Variants in ADAM22 observed in about 807,000 individuals in gnomAD.
ADAM22 encodes the protein ADAM metallopeptidase domain 22, also known as disintegrin and metalloproteinase domain-containing protein 22.
Under a neutral mutation model 144.6 loss-of-function variants are expected in ADAM22, and 65 were observed. That is an observed-to-expected ratio of 0.45 (90% CI 0.37 to 0.55). The LOEUF (loss-of-function observed/expected upper bound fraction) is 0.55. ADAM22 is among the 20% of genes least tolerant of loss of function. The pLI is 0.00. For synonymous variants in ADAM22, 391 were observed against 412.6 expected (o/e 0.95, Z 0.63); for missense variants, 974 against 1,184.9 (o/e 0.82, Z 2.61).
intron 3 of ADAM22, among the ~76,000 whole-genome samples, chr7:88,008,024 A>G (rs1794394922): frequency 6.6e-6 from 1 of 152,218 alleles, no homozygotes; most frequent in African/African-American, 2.4e-5. Flanking sequence ...AATATCCAGA[A>G]TCTACAACGA....
At chr7:88,034,831 G>T (rs973163441) in intron 3 of ADAM22, among the ~76,000 whole-genome samples, 2 of 152,152 alleles carry the variant, frequency 1.3e-5, no homozygotes, top group African/African-American at 4.8e-5. Flanking sequence ...CACAATTGCT[G>T]TGCTCTCCCT....
At chr7:88,144,007 T>C (rs1835576436) in intron 15 of ADAM22, among the ~76,000 whole-genome samples, 4 of 152,190 alleles carry the variant, frequency 2.6e-5, no homozygotes, top group Admixed American at 2.6e-4. Context: ...AGAGAATAAG[T>C]GTGGTTATCA....
At chr7:88,007,097 A>G (rs1196801499) in intron 3 of ADAM22, among the ~76,000 whole-genome samples, 2 of 152,228 alleles carry the variant, frequency 1.3e-5, no homozygotes, top group African/African-American at 2.4e-5. Context: ...AAGCATTCTT[A>G]TACACCAATA....
At chr7:88,045,226 C>T (rs969053099) in intron 3 of ADAM22, among the ~76,000 whole-genome samples, 4 of 152,162 alleles carry the variant, frequency 2.6e-5, no homozygotes, top group African/African-American at 9.7e-5. Context: ...CCATGTTGGC[C>T]AGGCTGGTCT....
At chr7:87,950,990 GT>G (rs1344687627) in intron 2 of ADAM22, among the ~76,000 whole-genome samples, 1 of 152,028 alleles carries the variant, frequency 6.6e-6, no homozygotes, top group Non-Finnish European at 1.5e-5. Flanking sequence ...GGGGTTGTTT[GT>G]TTTTTTCTTG....
chr7:87,982,448 A>G (rs1853783249), intron 3 of ADAM22, among the ~76,000 whole-genome samples: 1 of 151,634 alleles, frequency 6.6e-6, no homozygotes, highest in Admixed American at 6.6e-5. Flanking sequence ...CATGCTTGAG[A>G]GACAGAAATG....
intron 14 of ADAM22, among the ~76,000 whole-genome samples, chr7:88,140,624 C>T (rs1240940238): frequency 6.6e-6 from 1 of 152,156 alleles, no homozygotes; most frequent in Non-Finnish European, 1.5e-5. Flanking sequence ...GGGAGGATCG[C>T]TTGAGCCCAG....
intron 23 of ADAM22, among the ~76,000 whole-genome samples, chr7:88,165,070 G>A (rs1842637155): frequency 6.6e-6 from 1 of 152,066 alleles, no homozygotes; most frequent in Non-Finnish European, 1.5e-5. Flanking sequence ...AACCCCTGTA[G>A]TAAAAACCTG....
chr7:88,178,993 G>A lies in ADAM22; in HGVS notation c.2359G>A (p.Asp787Asn), dbSNP rs1173024762. ...TGGAGATGGTGACTCTTTTTATAGCGACATTCCTCCCGGAGTCAGCACAAA... is the reference window on the plus strand; with the variant it reads ...TGGAGATGGTGACTCTTTTTATAGCAACATTCCTCCCGGAGTCAGCACAAA... ...KPGDGDSFYS[D>N]IPPGVSTNSA... The change falls in exon 27 of 32, where the codon GAC (aspartate) becomes AAC (asparagine). Residue 787 changes from aspartate to asparagine, a missense_variant. Transcript: ENST00000413139. 1 of 1,613,146 alleles carries A rather than the reference G, an allele frequency of 6.2e-7. No homozygotes were observed. The highest frequency in any genetic ancestry group is 1.1e-5 in the South Asian group (1 of 91,004).
At chr7:88,162,645 T>G (rs1006288399) in intron 22 of ADAM22, among the ~76,000 whole-genome samples, 1 of 152,124 alleles carries the variant, frequency 6.6e-6, no homozygotes, top group Admixed American at 6.6e-5. Context: ...AATAGTTTAG[T>G]CATTCTCAAA....
intron 7 of ADAM22, among the ~76,000 whole-genome samples, chr7:88,117,473 G>A (rs979905894): frequency 5.9e-5 from 9 of 152,048 alleles, no homozygotes; most frequent in South Asian, 2.1e-4. Context: ...TTTGAGAGTC[G>A]CTTCCAAGTC....
chr7:88,055,983 T>C (rs1350387209), intron 3 of ADAM22, among the ~76,000 whole-genome samples: 3 of 152,222 alleles, frequency 2.0e-5, no homozygotes, highest in African/African-American at 7.2e-5. Context: ...TGTGATACCA[T>C]TATTCATGTC....
intron 2 of ADAM22, among the ~76,000 whole-genome samples, chr7:87,935,896 A>T (rs1304559698): frequency 6.6e-6 from 1 of 152,252 alleles, no homozygotes; most frequent in Non-Finnish European, 1.5e-5. Flanking sequence ...CCTGAAAATT[A>T]CTGTGAATTT....
At chr7:87,975,045 CT>C (rs1327588628) in intron 2 of ADAM22, among the ~76,000 whole-genome samples, 4 of 152,118 alleles carry the variant, frequency 2.6e-5, no homozygotes, top group Non-Finnish European at 5.9e-5. Flanking sequence ...TGCACAGTCC[CT>C]TTTTCCATGT....
chr7:88,097,620 T>TAA (rs55678558), intron 4 of ADAM22, among the ~76,000 whole-genome samples: 19 of 141,354 alleles, frequency 1.3e-4, no homozygotes, highest in South Asian at 4.4e-4. Context: ...TGTGTTTCCT[T>TAA]AAAAAAAAAA....
At chr7:88,178,902 T>C in intron 26 of ADAM22, 33 bp from the exon 27 acceptor site, 1 of 1,458,336 alleles carries the variant, frequency 6.9e-7, no homozygotes, top group Non-Finnish European at 9.4e-7. Flanking sequence ...GTGTGTCTTG[T>C]TTTCTGACTC....
intron 4 of ADAM22, among the ~76,000 whole-genome samples, chr7:88,090,335 A>T (rs941045484): frequency 6.6e-6 from 1 of 152,160 alleles, no homozygotes; most frequent in Non-Finnish European, 1.5e-5. Context: ...TCTCTCAGAC[A>T]GGAGAGGAAA....
At chr7:88,031,372 G>T (rs915605525) in intron 3 of ADAM22, among the ~76,000 whole-genome samples, 1 of 152,188 alleles carries the variant, frequency 6.6e-6, no homozygotes, top group African/African-American at 2.4e-5. Flanking sequence ...TTGTTAAATT[G>T]TTGTGACCAA....
At chr7:88,077,781 C>A (rs1025989696) in intron 4 of ADAM22, among the ~76,000 whole-genome samples, 1 of 152,192 alleles carries the variant, frequency 6.6e-6, no homozygotes, top group African/African-American at 2.4e-5. Flanking sequence ...TGCAAGGTGG[C>A]AGCTAGGCTG....
Sources: allele counts gnomAD v4.1 joint callset (sites outside exome capture counted in the v4.1 genomes callset), GRCh38; gene constraint gnomAD v4.1.1; transcripts MANE v1.5; gene names NCBI Gene and HGNC (gene_info 2026-07-23, HGNC 2026-07-21).